The following OLFM1 variants were observed in gnomAD, a reference collection of about 807,000 sequenced individuals.
OLFM1 encodes noelin.
A neutral mutation model predicts 49.7 loss-of-function variants in OLFM1; 9 were observed. That is an observed-to-expected ratio of 0.18 (90% CI 0.11 to 0.32). OLFM1 has a LOEUF of 0.32. Ranked by LOEUF, OLFM1 falls within the 10% of genes least tolerant of loss-of-function variation. OLFM1 has a pLI of 1.00. For missense variants in OLFM1, 369 were observed against 661.8 expected (o/e 0.56, Z 4.85); for synonymous variants, 240 against 271.8 (o/e 0.88, Z 1.15).
At chr9:135,108,554 AC>A (rs1482231806) in intron 5 of OLFM1, among the ~76,000 whole-genome samples, 1 of 151,462 alleles carries the variant, frequency 6.6e-6, no homozygotes, top group Non-Finnish European at 1.5e-5. Context: ...AATCGCTTGA[AC>A]CTGGGAGGCA....
intron 5 of OLFM1, among the ~76,000 whole-genome samples, chr9:135,118,813 G>A (rs571838410): frequency 7.3e-5 from 11 of 149,700 alleles, no homozygotes; most frequent in Admixed American, 4.0e-4. Context: ...AGTGCTCGCC[G>A]GGTCTTTGGA....
intron 1 of OLFM1, among the ~76,000 whole-genome samples, chr9:135,081,956 C>T (rs1319916982): frequency 3.3e-5 from 5 of 152,296 alleles, no homozygotes; most frequent in South Asian, 2.1e-4. Flanking sequence ...CCGCTGCGTT[C>T]GAACTGACCC....
At chr9:135,075,839 C>A (rs779645832) in intron 1 of OLFM1, 5 of 1,563,158 alleles carry the variant, frequency 3.2e-6, no homozygotes, top group African/African-American at 1.4e-5. Flanking sequence ...CCCTGCCAGG[C>A]GCCCGGCCCG....
Position 135,119,597 on chromosome 9 carries a change from C to T in OLFM1, c.877C>T (p.Arg293Cys), listed in dbSNP as rs903444355. ...FMNTDNFTSH[R>C]LPHPWSGTGQ... ...GAACACGGACAATTTCACCTCCCAC[C>T]GTCTCCCCCACCCCTGGTCGGGCAC... Residue 293 changes from arginine to cysteine, a missense_variant, in exon 6 of 6, where the codon CGT (arginine) becomes TGT (cysteine). Physicochemically the swap from Arg to Cys is radical, Grantham distance 180. Transcript: ENST00000371793. 1.9e-6 allele frequency: 3 copies of T among 1,614,138 alleles called. No individual in the cohort carries two copies. The highest frequency in any genetic ancestry group is 2.5e-6 in the Non-Finnish European group (3 of 1,180,008).
chr9:135,106,753 C>T lies in OLFM1; in HGVS notation c.681C>T (p.Cys227=), dbSNP rs746223639. 23 of 1,613,202 alleles carry T rather than the reference C, an allele frequency of 1.4e-5. No homozygotes were observed. The South Asian group carries it at 1.4e-4, about 10-fold the overall frequency. Residue 227 remains cysteine (C), a synonymous_variant, in exon 5 of 6, where the codon TGC becomes TGT. Transcript: ENST00000371793. The stretch of plus-strand genomic sequence containing the variant: ...GACCTGCGTGCTCTTTTCCAGCTTG[C>T]GGGAAGTTGACGGGCATCAGTGACC... ...RLRACMQKLA[C]GKLTGISDPV...
upstream of OLFM1, among the ~76,000 whole-genome samples, chr9:135,083,976 G>C (rs188295958): frequency 1.8e-4 from 27 of 152,346 alleles, no homozygotes; most frequent in Admixed American, 1.2e-3. Context: ...ACAGGGAGCC[G>C]GGCCAGGATG....
intron 5 of OLFM1, among the ~76,000 whole-genome samples, chr9:135,114,057 CTT>C (rs1831060573): frequency 1.3e-5 from 2 of 150,178 alleles, no homozygotes; most frequent in Non-Finnish European, 3.0e-5. Context: ...TCTTCTGTCT[CTT>C]ATAAGGACAC....
upstream of OLFM1, chr9:135,087,278 G>A: frequency 4.1e-6 from 6 of 1,475,714 alleles, no homozygotes; most frequent in South Asian, 6.5e-5. Flanking sequence ...GCGGAAAAGG[G>A]CTCCAGTAGG....
Position 135,087,686 on chromosome 9 carries a change from C to A in OLFM1, c.-304C>A. 4.6e-6 allele frequency: 2 copies of A among 437,942 alleles called. 1 individual carries two copies. Among genetic ancestry groups the A allele is most frequent in the Non-Finnish European group, 6.6e-6 (2 of 304,986 alleles). 27.1% of individuals were successfully genotyped at this position (437,942 alleles called of 1,614,324 possible). ...AGCGCTCAGAGCCGGACGGCGCTTC[C>A]CGGTGGCGGCGGAGGAGCCCGGAGG... On this transcript the variant is annotated 5_prime_UTR_variant, in exon 1 of 6. Coordinates refer to ENST00000371793, the MANE Select transcript of OLFM1 (RefSeq NM_001282611.2).
At position 135,098,062 on chromosome 9, in the gene OLFM1, T is replaced by G. The variant is rs1830824225; in HGVS notation, c.457-224T>G. ...GTATGTGACTCAAAGCATGTAACCT[T>G]AAGATGTTGCATTCTAAACTGACAA... is the stretch of plus-strand genomic sequence containing the variant. On this transcript the variant is annotated intron_variant, in intron 3 of 5. Coordinates refer to ENST00000371793, the MANE Select transcript of OLFM1 (RefSeq NM_001282611.2). This position sits in a 1 kb window ranked among gnomAD's most constrained non-coding sequence, Gnocchi z 5.6. 7.0e-7 allele frequency: 1 copy of G among 1,428,956 alleles called. No individual in the cohort carries two copies. Among genetic ancestry groups the G allele is most frequent in the East Asian group, 2.5e-5 (1 of 39,948 alleles). 88.5% of individuals were successfully genotyped at this position (1,428,956 alleles called of 1,614,324 possible). A position where few individuals can be genotyped will look rare whatever the true frequency, so the allele number is the denominator to read the frequency against.
At chr9:135,086,972 C>T (rs1431099546), upstream of OLFM1, among the ~76,000 whole-genome samples, 1 of 152,268 alleles carries the variant, frequency 6.6e-6, no homozygotes, top group African/African-American at 2.4e-5. Context: ...TATGCAGCTC[C>T]TGCCGGGTGT....
chr9:135,087,411 GC>G, upstream of OLFM1: 1 of 1,546,180 alleles, frequency 6.5e-7, no homozygotes, highest in Non-Finnish European at 8.7e-7. Context: ...CGCGGGCCGT[GC>G]CCCCAGCTGG....
Position 135,088,004 on chromosome 9 carries a change from G to C in OLFM1, c.15G>C (p.Leu5=). Reference sequence around the variant, plus strand: ...CTCGAGGCGCGATGTCGGTGCCGCTGCTCAAGATCGGGGTCGTGCTGAGCA... The same window carrying C: ...CTCGAGGCGCGATGTCGGTGCCGCTCCTCAAGATCGGGGTCGTGCTGAGCA... MSVP[L]LKIGVVLSTM... The change falls in exon 1 of 6, where the codon CTG becomes CTC. Residue 5 remains leucine, a synonymous_variant. Coordinates refer to ENST00000371793, the MANE Select transcript of OLFM1 (RefSeq NM_001282611.2). The surrounding 1 kb of genome is among the most constrained non-coding windows in gnomAD (Gnocchi z 4.8). The C allele has an allele frequency of 6.9e-7, 1 of 1,454,740 alleles. No homozygotes were observed. The highest frequency in any genetic ancestry group is 9.1e-7 in the Non-Finnish European group (1 of 1,094,864). The allele number at this position is 1,454,740 out of a possible 1,614,324, so 90.1% of individuals were successfully genotyped here.
intron 5 of OLFM1, among the ~76,000 whole-genome samples, chr9:135,112,158 G>C (rs933964867): frequency 1.3e-5 from 2 of 152,218 alleles, no homozygotes; most frequent in Non-Finnish European, 2.9e-5. Flanking sequence ...AGCCCGTCCA[G>C]CTGTGAATGG....
intron 4 of OLFM1, among the ~76,000 whole-genome samples, chr9:135,101,335 G>C (rs978387580): frequency 6.6e-6 from 1 of 152,184 alleles, no homozygotes. Context: ...AGTGAACAGG[G>C]TCCGGGTTCC....
chr9:135,083,099 C>T (rs1338852767), upstream of OLFM1, among the ~76,000 whole-genome samples: 3 of 152,204 alleles, frequency 2.0e-5, no homozygotes, highest in Non-Finnish European at 4.4e-5. Context: ...TCCACAGAAA[C>T]CGGGCTGCCT....
At chr9:135,083,257 T>C (rs916331078), upstream of OLFM1, among the ~76,000 whole-genome samples, 1 of 152,228 alleles carries the variant, frequency 6.6e-6, no homozygotes, top group Admixed American at 6.5e-5. Flanking sequence ...ACTCCCAGAA[T>C]TGGCCTCTTT....
intron 5 of OLFM1, among the ~76,000 whole-genome samples, chr9:135,108,641 A>C (rs1449108085): frequency 1.3e-5 from 2 of 151,992 alleles, no homozygotes; most frequent in Non-Finnish European, 2.9e-5. Flanking sequence ...TCAAAAAAAA[A>C]AAAACAAAAA....
intron 1 of OLFM1, among the ~76,000 whole-genome samples, chr9:135,089,150 C>A (rs1830645256): frequency 6.6e-6 from 1 of 152,222 alleles, no homozygotes; most frequent in Admixed American, 6.5e-5. Flanking sequence ...CTTGAGGCCG[C>A]CCTCCCTGCT....
Sources: allele counts gnomAD v4.1 joint callset (sites outside exome capture counted in the v4.1 genomes callset), GRCh38; gene constraint gnomAD v4.1.1; non-coding constraint Gnocchi (gnomAD v3.1); transcripts MANE v1.5; gene names NCBI Gene and HGNC (gene_info 2026-07-23, HGNC 2026-07-21).